Variants in UNC5D observed in about 807,000 individuals in gnomAD.
The protein encoded by UNC5D is unc-5 netrin receptor D.
In UNC5D, 39 loss-of-function variants were observed where a neutral mutation model predicts 105.4. The ratio of observed to expected loss-of-function variants is 0.37; its 90% CI spans 0.29 to 0.48. UNC5D has a LOEUF of 0.48. UNC5D is among the 20% of genes least tolerant of loss of function. The pLI, the probability that UNC5D is intolerant of heterozygous loss-of-function variation, is 0.98. For missense variants in UNC5D, 991 were observed against 1,202.4 expected, an observed-to-expected ratio of 0.82 and a Z score of 2.60; for synonymous variants, 452 against 450.4, an observed-to-expected ratio of 1.00 and a Z score of -0.04.
At chr8:35,714,858 A>G (rs1429202248) in intron 8 of UNC5D, among the ~76,000 whole-genome samples, 1 of 152,354 alleles carries the variant, frequency 6.6e-6, no homozygotes, top group South Asian at 2.1e-4. Flanking sequence ...CAAATGAAAA[A>G]GGAATGAAGC....
intron 2 of UNC5D, among the ~76,000 whole-genome samples, chr8:35,560,004 G>T (rs1397515423): frequency 6.6e-6 from 1 of 152,172 alleles, no homozygotes; most frequent in Non-Finnish European, 1.5e-5. Context: ...TGCTGCCAAC[G>T]TTAGTCTATC....
intron 1 of UNC5D, among the ~76,000 whole-genome samples, chr8:35,250,981 G>A (rs969869847): frequency 1.3e-5 from 2 of 152,182 alleles, no homozygotes; most frequent in Non-Finnish European, 2.9e-5. Context: ...TTTAATGCAT[G>A]CATTGATTGT....
At chr8:35,577,961 A>G (rs1818202694) in intron 3 of UNC5D, among the ~76,000 whole-genome samples, 1 of 152,142 alleles carries the variant, frequency 6.6e-6, no homozygotes. Context: ...GCAGTAGCTC[A>G]TGCCTGTAAT....
intron 1 of UNC5D, among the ~76,000 whole-genome samples, chr8:35,413,292 T>TGTGTGTGGTG (rs56157732): frequency 7.8e-6 from 1 of 127,978 alleles, no homozygotes; most frequent in Non-Finnish European, 1.6e-5. Context: ...TGTGTGTGTG[T>TGTGTGTGGTG]TGTGTGTGTG....
At chr8:35,349,532 C>A (rs1228822299) in intron 1 of UNC5D, among the ~76,000 whole-genome samples, 1 of 152,052 alleles carries the variant, frequency 6.6e-6, no homozygotes, top group Non-Finnish European at 1.5e-5. Flanking sequence ...AATTTTCAAT[C>A]AAAAGCACAA....
intron 1 of UNC5D, among the ~76,000 whole-genome samples, chr8:35,509,854 C>A (rs1030120401): frequency 2.0e-5 from 3 of 152,114 alleles, no homozygotes; most frequent in Non-Finnish European, 4.4e-5. Flanking sequence ...GGGGTTCTCA[C>A]AACCCCTCCT....
chr8:35,262,524 T>C (rs892082386), intron 1 of UNC5D, among the ~76,000 whole-genome samples: 1 of 152,194 alleles, frequency 6.6e-6, no homozygotes, highest in Non-Finnish European at 1.5e-5. Context: ...CACAGTTCAA[T>C]GTAAGGCATT....
chr8:35,459,489 G>A (rs1467684367), intron 1 of UNC5D, among the ~76,000 whole-genome samples: 3 of 152,126 alleles, frequency 2.0e-5, no homozygotes, highest in Non-Finnish European at 4.4e-5. Context: ...ATCACACATA[G>A]CTGAATTTGC....
At chr8:35,590,331 T>C (rs1056725324) in intron 3 of UNC5D, among the ~76,000 whole-genome samples, 2 of 151,956 alleles carry the variant, frequency 1.3e-5, no homozygotes, top group African/African-American at 2.4e-5. Flanking sequence ...AGCCTTCCTT[T>C]TCCTAAGATC....
chr8:35,788,102 T>C (rs1401797667), intron 16 of UNC5D, among the ~76,000 whole-genome samples: 2 of 152,208 alleles, frequency 1.3e-5, no homozygotes, highest in Non-Finnish European at 2.9e-5. Context: ...AACATACTTG[T>C]AGTGCTGTTT....
At chr8:35,553,326 A>C (rs1254072354) in intron 2 of UNC5D, among the ~76,000 whole-genome samples, 1 of 151,792 alleles carries the variant, frequency 6.6e-6, no homozygotes, top group Non-Finnish European at 1.5e-5. Context: ...CTCTACCTCC[A>C]TGTAGAAATC....
chr8:35,750,990 A>G (rs1184814562), intron 13 of UNC5D, among the ~76,000 whole-genome samples, 181 bp downstream of exon 13: 1 of 152,008 alleles, frequency 6.6e-6, no homozygotes, highest in East Asian at 1.9e-4. Flanking sequence ...AGACAGAGGA[A>G]TTGCAATAAA....
intron 4 of UNC5D, among the ~76,000 whole-genome samples, chr8:35,630,010 CT>C (rs1821940090): frequency 6.6e-6 from 1 of 152,116 alleles, no homozygotes; most frequent in South Asian, 2.1e-4. Flanking sequence ...CCCTGGCAGT[CT>C]TTTTTATTTT....
intron 1 of UNC5D, among the ~76,000 whole-genome samples, chr8:35,401,837 C>A (rs1029905635): frequency 6.6e-6 from 1 of 152,184 alleles, no homozygotes; most frequent in African/African-American, 2.4e-5. Context: ...CTTTCTGAAG[C>A]CTTCAAAAGA....
intron 1 of UNC5D, among the ~76,000 whole-genome samples, chr8:35,367,142 G>A (rs1353931108): frequency 2.0e-5 from 3 of 152,138 alleles, no homozygotes; most frequent in Non-Finnish European, 4.4e-5. Context: ...ATAGTAAAGA[G>A]CATTTCCAAC....
Position 35,642,216 on chromosome 8 carries a change from C to A in UNC5D, c.571-41331C>A, listed in dbSNP as rs149175721. Reference sequence around the variant, plus strand: ...CATACGATCAGAATTAACTGGGGTGCTGCTGCCTGTCACCTCATTTTATAG... The same window carrying A: ...CATACGATCAGAATTAACTGGGGTGATGCTGCCTGTCACCTCATTTTATAG... On this transcript the variant is annotated intron_variant, in intron 4 of 16. Transcript: ENST00000404895. 1.3e-3 allele frequency among the ~76,000 whole-genome samples: 191 copies of A among 152,230 alleles called. 1 individual carries two copies. Among genetic ancestry groups the A allele is most frequent in the African/African-American group, 4.4e-3 (184 of 41,546 alleles).
At chr8:35,314,633 G>A (rs1050495795) in intron 1 of UNC5D, among the ~76,000 whole-genome samples, 12 of 152,136 alleles carry the variant, frequency 7.9e-5, no homozygotes, top group South Asian at 2.1e-4. Flanking sequence ...CATAACAGAC[G>A]TTTATTTAAA....
intron 1 of UNC5D, among the ~76,000 whole-genome samples, chr8:35,290,255 T>G (rs1408367515): frequency 6.6e-6 from 1 of 152,140 alleles, no homozygotes; most frequent in African/African-American, 2.4e-5. Flanking sequence ...TAAGCATCCA[T>G]CAGTGGATGA....
intron 1 of UNC5D, among the ~76,000 whole-genome samples, chr8:35,414,648 AGC>A (rs931632980): frequency 1.5e-4 from 23 of 152,242 alleles, no homozygotes; most frequent in African/African-American, 5.1e-4. Context: ...GAGGAAGTTA[AGC>A]TTCTTGAAAA....
Sources: gnomAD v4.1 joint callset for allele counts (sites outside exome capture counted in the v4.1 genomes callset) on GRCh38, gnomAD v4.1.1 for gene constraint, MANE v1.5 for transcripts, NCBI Gene and HGNC (gene_info 2026-07-23, HGNC 2026-07-21) for gene names.